ATCAY: variants seen among roughly 807,000 people sequenced by gnomAD.
ATCAY encodes the protein ATCAY kinesin light chain interacting caytaxin, also known as caytaxin.
ATCAY carries 22 observed loss-of-function variants against 47.7 expected under a neutral mutation model. That is an observed-to-expected ratio of 0.46 (90% CI 0.33 to 0.66). The LOEUF is 0.66. ATCAY is among the 30% of genes least tolerant of loss of function. ATCAY has a pLI of 0.02. For synonymous variants in ATCAY, 216 were observed against 207.6 expected (o/e 1.04, Z -0.35); for missense variants, 452 against 515.0 (o/e 0.88, Z 1.18).
At chr19:3,900,728 G>A (rs368782882) in intron 2 of ATCAY, among the ~76,000 whole-genome samples, 1 of 151,746 alleles carries the variant, frequency 6.6e-6, no homozygotes, top group African/African-American at 2.4e-5. Flanking sequence ...TAGAGATGGC[G>A]TTTCACCATG....
intron 2 of ATCAY, among the ~76,000 whole-genome samples, chr19:3,897,380 G>A (rs1036462284): frequency 6.6e-6 from 1 of 151,406 alleles, no homozygotes. Flanking sequence ...GCTCACTGCA[G>A]CCTTGACCTC....
rs117167523 is a variant in ATCAY, at chr19:3,908,385, G to C, written c.647+15G>C. ...AACCTCTTCCTGTGAGTCCCCGCCC[G>C]CGGCGAGCAGCCTCGGGCCAGCTCT... On this transcript the variant is annotated intron_variant, in intron 6 of 12. Transcript: ENST00000450849. 1.3e-4 allele frequency: 208 copies of C among 1,565,844 alleles called. No individual in the cohort carries two copies. Among genetic ancestry groups the C allele is most frequent in the Admixed American group, 7.5e-5 (4 of 53,184 alleles).
At chr19:3,910,135 C>G (rs1164449865) in intron 7 of ATCAY, among the ~76,000 whole-genome samples, 1 of 152,068 alleles carries the variant, frequency 6.6e-6, no homozygotes, top group Non-Finnish European at 1.5e-5. Flanking sequence ...TCCGGCACCC[C>G]CCATCCTACT....
intron 9 of ATCAY, among the ~76,000 whole-genome samples, chr19:3,914,109 G>A (rs553420434): frequency 6.6e-6 from 1 of 151,622 alleles, no homozygotes; most frequent in Non-Finnish European, 1.5e-5. Context: ...GGTGGCGGGC[G>A]CCTGTAGTCC....
chr19:3,926,949 G>C lies in ATCAY; in HGVS notation c.*2357G>C, dbSNP rs551091925. ...CAAGATGACAAAAGTGGCTGGGTAC[G>C]GTGGCTCACGCCTATAATCCCAGCA... On this transcript the variant is annotated 3_prime_UTR_variant, in exon 13 of 13. Transcript: ENST00000450849. The C allele has an allele frequency of 3.3e-5, 5 of 152,340 alleles. No individual in the cohort carries two copies. Among genetic ancestry groups the C allele is most frequent in the Middle Eastern group, 3.4e-3 (1 of 294 alleles). The allele number at this position is 152,340 out of a possible 1,614,324, so 9.4% of individuals were successfully genotyped here.
At position 3,913,815 on chromosome 19, in the gene ATCAY, C is replaced by T. The variant is rs773990769; in HGVS notation, c.924C>T (p.Leu308=). 1 of 1,613,940 alleles carries T rather than the reference C, an allele frequency of 6.2e-7. No homozygotes were observed. The highest frequency in any genetic ancestry group is 1.1e-5 in the South Asian group (1 of 91,078). ...ACAGCTTGGAAGACCTGGAGCAACT[C>T]ATCCCTATGGAACACGTCCAGATCC... ...YVHSLEDLEQ[L]IPMEHVQIPD... The change falls in exon 9 of 13, where the codon CTC becomes CTT. Residue 308 remains leucine (L), a synonymous_variant. Transcript: ENST00000450849.
At chr19:3,916,010 T>G (rs1568452456) in intron 9 of ATCAY, among the ~76,000 whole-genome samples, 1 of 152,072 alleles carries the variant, frequency 6.6e-6, no homozygotes, top group African/African-American at 2.4e-5. Context: ...CGTTCTCATC[T>G]TCCCAAACTG....
chr19:3,917,356 G>A (rs535397230), intron 9 of ATCAY, among the ~76,000 whole-genome samples: 8 of 151,808 alleles, frequency 5.3e-5, no homozygotes, highest in South Asian at 2.1e-4. Context: ...AGGCCGAGGT[G>A]GGTGGATCAT....
intron 8 of ATCAY, among the ~76,000 whole-genome samples, chr19:3,911,613 A>G (rs1225815629): frequency 3.3e-5 from 5 of 151,842 alleles, no homozygotes; most frequent in Admixed American, 3.3e-4. Context: ...TATATTCTAT[A>G]ATGTATATCA....
At chr19:3,896,349 C>A (rs2038770100) in intron 2 of ATCAY, among the ~76,000 whole-genome samples, 1 of 151,600 alleles carries the variant, frequency 6.6e-6, no homozygotes, top group South Asian at 2.1e-4. Flanking sequence ...CTCACTGCAA[C>A]CTCCACCTCC....
At chr19:3,887,591 A>AGCAG (rs2038670354) in intron 2 of ATCAY, among the ~76,000 whole-genome samples, 5 of 150,902 alleles carry the variant, frequency 3.3e-5, no homozygotes, top group Non-Finnish European at 7.4e-5. Context: ...GGTTCACGCC[A>AGCAG]TTCTCCTGCC....
At chr19:3,882,394 T>A (rs1324921230) in intron 1 of ATCAY, among the ~76,000 whole-genome samples, 1 of 152,102 alleles carries the variant, frequency 6.6e-6, no homozygotes, top group East Asian at 1.9e-4. Context: ...CATAGCTCAC[T>A]GCAGTCTCGA....
At chr19:3,890,641 G>A (rs2038709705) in intron 2 of ATCAY, among the ~76,000 whole-genome samples, 2 of 152,184 alleles carry the variant, frequency 1.3e-5, no homozygotes, top group Admixed American at 1.3e-4. Flanking sequence ...ACCTGCAAAT[G>A]CAAGCTGGAG....
At chr19:3,905,707 A>T (rs571214368) in intron 4 of ATCAY, 52 bp downstream of exon 4, 57 of 1,317,198 alleles carry the variant, frequency 4.3e-5, no homozygotes, top group Non-Finnish European at 5.5e-5. Flanking sequence ...CCCCCACCCC[A>T]CCTTTCCGTC....
At chr19:3,910,638 C>G (rs2038914966) in intron 7 of ATCAY, among the ~76,000 whole-genome samples, 165 bp from the exon 8 acceptor site, 1 of 152,130 alleles carries the variant, frequency 6.6e-6, no homozygotes, top group Admixed American at 6.6e-5. Flanking sequence ...ACCATAGGAC[C>G]CCCATGTCTT....
intron 3 of ATCAY, among the ~76,000 whole-genome samples, chr19:3,905,086 T>C (rs937365216): frequency 2.0e-5 from 3 of 152,142 alleles, no homozygotes; most frequent in Non-Finnish European, 4.4e-5. Context: ...CTCGAACTCC[T>C]GACCTCAGGT....
chr19:3,901,187 C>G (rs1304431530), intron 2 of ATCAY, among the ~76,000 whole-genome samples: 1 of 152,166 alleles, frequency 6.6e-6, no homozygotes, highest in Non-Finnish European at 1.5e-5. Context: ...CAGGCGTGAG[C>G]CACCGCACCC....
chr19:3,910,901 A>G lies in ATCAY; in HGVS notation c.866+12A>G. The G allele has an allele frequency of 1.6e-5, 26 of 1,613,782 alleles. No individual in the cohort carries two copies. The highest frequency in any genetic ancestry group is 2.2e-5 in the Non-Finnish European group (26 of 1,179,790). On this transcript the variant is annotated intron_variant, in intron 8 of 12. Coordinates refer to ENST00000450849, the MANE Select transcript of ATCAY (RefSeq NM_033064.5). ...CGCCCTTTCATCAGGTGAGACGGGG[A>G]GGCTGCAACCCAAGTCCAGTGGCCT...
intron 12 of ATCAY, among the ~76,000 whole-genome samples, chr19:3,921,012 A>G (rs555480205): frequency 6.6e-6 from 1 of 152,114 alleles, no homozygotes; most frequent in Non-Finnish European, 1.5e-5. Context: ...TCCCTTAACC[A>G]GTCAGGCCGT....
Sources: gnomAD v4.1 joint callset for allele counts (sites outside exome capture counted in the v4.1 genomes callset) on GRCh38, gnomAD v4.1.1 for gene constraint, MANE v1.5 for transcripts, NCBI Gene and HGNC (gene_info 2026-07-23, HGNC 2026-07-21) for gene names.